The following TRAF3IP2 variants were observed in gnomAD, a reference collection of about 807,000 sequenced individuals.
TRAF3IP2 encodes the protein E3 ubiquitin ligase TRAF3IP2.
TRAF3IP2 carries 35 observed loss-of-function variants against 57.9 expected under a neutral mutation model. That is an observed-to-expected ratio of 0.60 (90% confidence interval 0.46 to 0.80). TRAF3IP2 has a LOEUF of 0.80. TRAF3IP2 is among the 30% of genes least tolerant of loss of function. The pLI is 0.00. For synonymous variants in TRAF3IP2, 251 were observed against 268.9 expected, an observed-to-expected ratio of 0.93 and a Z score of 0.65; for missense variants, 556 against 706.4, an observed-to-expected ratio of 0.79 and a Z score of 2.41.
chr6:111,596,118 A>C (rs949165024), intron 1 of TRAF3IP2, among the ~76,000 whole-genome samples: 1 of 151,864 alleles, frequency 6.6e-6, no homozygotes, highest in Non-Finnish European at 1.5e-5. Context: ...TAAAATGTTT[A>C]CACTCTCCTC....
At position 111,591,940 on chromosome 6, in the gene TRAF3IP2, T is replaced by C; in HGVS notation, c.147A>G (p.Ala49=). ...CGGAGGAATTGTGAAGCATTGTGGG[T>C]GCAGACAAGCTGTTGGGTGCCATGT... ...IRNMAPNSLS[A]PTMLHNSSGD... The change falls in exon 2 of 9, where the codon GCA becomes GCG. Residue 49 remains alanine (A), a synonymous_variant. Coordinates refer to ENST00000368761, the MANE Select transcript of TRAF3IP2 (RefSeq NM_147686.4). This position sits in a 1 kb window ranked among gnomAD's most constrained non-coding sequence, Gnocchi z 4.9. 3.7e-6 allele frequency: 6 copies of C among 1,614,206 alleles called. No individual in the cohort carries two copies. The highest frequency in any genetic ancestry group is 5.1e-6 in the Non-Finnish European group (6 of 1,180,040).
intron 2 of TRAF3IP2, among the ~76,000 whole-genome samples, chr6:111,584,450 T>A (rs1163184693): frequency 6.6e-6 from 1 of 152,082 alleles, no homozygotes; most frequent in Non-Finnish European, 1.5e-5. Context: ...AAGAAATGAG[T>A]GTTCCCTTTT....
In TRAF3IP2 at chr6:111,557,125, CA is replaced by C; in HGVS notation, c.*2279del. On this transcript the variant is annotated 3_prime_UTR_variant, in exon 9 of 9. Coordinates refer to ENST00000368761, the MANE Select transcript of TRAF3IP2 (RefSeq NM_147686.4). Reference sequence around the variant, plus strand: ...CCTGGGAAAGAGTGAGACCCTGTCTCAAAAAAAAGAAAAAAAAAACAAAACG... The same window carrying C: ...CCTGGGAAAGAGTGAGACCCTGTCTCAAAAAAAGAAAAAAAAAACAAAACG... 2.1e-5 allele frequency: 3 copies of C among 144,424 alleles called. No individual in the cohort carries two copies. The highest frequency in any genetic ancestry group is 3.0e-5 in the Non-Finnish European group (2 of 66,228). The allele number at this position is 144,424 out of a possible 1,614,324, so 8.9% of individuals were successfully genotyped here. A position where few individuals can be genotyped will look rare whatever the true frequency, so the allele number is the denominator to read the frequency against.
Position 111,580,256 on chromosome 6 carries a change from C to G in TRAF3IP2, c.963G>C (p.Trp321Cys). ...TCTGTGCGGGCCTCTCTTCGTGGTCCCAGGGGCTGGGATAATTCAGGATAA... is the reference window on the plus strand; with the variant it reads ...TCTGTGCGGGCCTCTCTTCGTGGTCGCAGGGGCTGGGATAATTCAGGATAA... ...QKVILNYPSP[W>C]DHEERPAQRD... is the part of the protein sequence containing the mutation. Residue 321 changes from tryptophan to cysteine, a missense_variant, in exon 3 of 9, where the codon TGG (tryptophan) becomes TGC (cysteine). Trp to Cys is a radical substitution (Grantham distance 215). Around this residue, in one of 2 missense-constraint regions of TRAF3IP2, gnomAD observed 428 missense variants for 498.7 expected, o/e 0.86. Coordinates refer to ENST00000368761, the MANE Select transcript of TRAF3IP2 (RefSeq NM_147686.4). 1 of 1,613,320 alleles carries G rather than the reference C, an allele frequency of 6.2e-7. No individual in the cohort carries two copies. Among genetic ancestry groups the G allele is most frequent in the Non-Finnish European group, 8.5e-7 (1 of 1,179,272 alleles).
chr6:111,592,756 TG>T (rs1410617811), intron 1 of TRAF3IP2, among the ~76,000 whole-genome samples: 4 of 149,036 alleles, frequency 2.7e-5, no homozygotes, highest in South Asian at 2.1e-4. Context: ...AAAATAAAAG[TG>T]TTTTTTTTTA....
chr6:111,601,306 G>C (rs561260117), intron 1 of TRAF3IP2: 2 of 667,688 alleles, frequency 3.0e-6, no homozygotes, highest in South Asian at 3.3e-5. Context: ...TACAGATGAG[G>C]CTGCAGAGGC....
intron 1 of TRAF3IP2, 104 bp downstream of exon 1, chr6:111,605,672 A>G (rs1796999771): frequency 6.6e-6 from 1 of 152,342 alleles, no homozygotes; most frequent in Non-Finnish European, 1.5e-5. Flanking sequence ...ACACAGAGGA[A>G]AGTAGAGGCA....
rs200547309 is a variant in TRAF3IP2, at chr6:111,580,212, C to T, written c.1007G>A (p.Gly336Glu). The T allele has an allele frequency of 6.2e-7, 1 of 1,614,076 alleles. No homozygotes were observed. The highest frequency in any genetic ancestry group is 2.2e-5 in the East Asian group (1 of 44,860). Residue 336 changes from glycine (G) to glutamate (E), a missense_variant, in exon 3 of 9, where the codon GGG becomes GAG. Physicochemically the swap from Gly to Glu is moderately conservative, Grantham distance 98. Around this residue, in one of 2 missense-constraint regions of TRAF3IP2, gnomAD observed 428 missense variants for 498.7 expected, o/e 0.86. Transcript: ENST00000368761. ...RPAQRDCSFPGLPRHQDQPHH... is the reference protein window; with the variant it reads ...RPAQRDCSFPELPRHQDQPHH... ...TCATACTTACTGGTGCCTTGGAAGC[C>T]CCGGAAAGGAGCAGTCTCTCTGTGC...
intron 1 of TRAF3IP2, chr6:111,601,005 G>C: frequency 2.0e-6 from 1 of 502,076 alleles, no homozygotes; most frequent in Non-Finnish European, 3.6e-6. Context: ...CTTTTCCGAG[G>C]TCACATGGCT....
intron 5 of TRAF3IP2, among the ~76,000 whole-genome samples, chr6:111,571,744 G>A (rs1466013922): frequency 6.6e-6 from 1 of 151,988 alleles, no homozygotes; most frequent in Non-Finnish European, 1.5e-5. Flanking sequence ...GGCCAACATA[G>A]TGAAACCCCA....
At chr6:111,575,914 G>C in intron 3 of TRAF3IP2, 93 bp from the exon 4 acceptor site, 7 of 1,181,144 alleles carry the variant, frequency 5.9e-6, no homozygotes, top group South Asian at 1.4e-5. Context: ...GAAGATCCCA[G>C]TGGGCTCTCT....
intron 1 of TRAF3IP2, among the ~76,000 whole-genome samples, chr6:111,597,305 C>T (rs913322818): frequency 6.6e-6 from 1 of 152,174 alleles, no homozygotes; most frequent in African/African-American, 2.4e-5. Context: ...ATGCCATCAG[C>T]CAGTGTAATG....
chr6:111,597,658 C>CA (rs1322018437), intron 1 of TRAF3IP2, among the ~76,000 whole-genome samples: 1 of 151,962 alleles, frequency 6.6e-6, no homozygotes, highest in Non-Finnish European at 1.5e-5. Context: ...TTTTAAAATA[C>CA]AAAGAAAACC....
intron 2 of TRAF3IP2, among the ~76,000 whole-genome samples, chr6:111,587,535 G>A (rs559937773): frequency 2.6e-5 from 4 of 152,196 alleles, no homozygotes; most frequent in Admixed American, 2.0e-4. Context: ...GATTACAGGT[G>A]TGAGCCACTG....
intron 1 of TRAF3IP2, among the ~76,000 whole-genome samples, chr6:111,592,757 G>T (rs1433941760): frequency 1.3e-5 from 2 of 151,010 alleles, no homozygotes; most frequent in Admixed American, 6.6e-5. Flanking sequence ...AAATAAAAGT[G>T]TTTTTTTTTA....
intron 5 of TRAF3IP2, among the ~76,000 whole-genome samples, chr6:111,570,210 C>A (rs1033697085): frequency 6.6e-6 from 1 of 152,194 alleles, no homozygotes; most frequent in African/African-American, 2.4e-5. Context: ...TGATCTTGGA[C>A]TTCCAGACTC....
rs143865750 is a variant in TRAF3IP2 at position 111,575,780 on chromosome 6, G to A, written c.1064C>T (p.Pro355Leu). The A allele has an allele frequency of 2.0e-5, 32 of 1,609,862 alleles. No homozygotes were observed. The highest frequency in any genetic ancestry group is 2.7e-5 in the Non-Finnish European group (32 of 1,178,782). ...TGCAGGGCACTCCAAGGACTCCCCAGGAGCACCAGCTCTATTAGGTGGCTG... is the reference window on the plus strand; with the variant it reads ...TGCAGGGCACTCCAAGGACTCCCCAAGAGCACCAGCTCTATTAGGTGGCTG... ...HHQPPNRAGA[P>L]GESLECPAEL... The change falls in exon 4 of 9, where the codon CCT (proline) becomes CTT (leucine). Residue 355 changes from proline to leucine, a missense_variant. Pro to Leu is a moderately conservative substitution (Grantham distance 98). Coordinates refer to ENST00000368761, the MANE Select transcript of TRAF3IP2 (RefSeq NM_147686.4).
rs35454154 is a variant in TRAF3IP2 at position 111,556,102 on chromosome 6, CA to C, written c.*3302del. Among the ~76,000 whole-genome samples, 4,588 of 122,448 alleles carry C rather than the reference CA, an allele frequency of 0.037. 114 individuals are homozygous for C. Among genetic ancestry groups the C allele is most frequent in the African/African-American group, 0.082 (2,614 of 31,746 alleles). The allele number at this position is 122,448 out of a possible 152,430, so 80.3% of individuals were successfully genotyped here. A position where few individuals can be genotyped will look rare whatever the true frequency, so the allele number is the denominator to read the frequency against. On this transcript the variant is annotated 3_prime_UTR_variant, in exon 9 of 9. Coordinates refer to ENST00000368761, the MANE Select transcript of TRAF3IP2 (RefSeq NM_147686.4). ...TGGGTGACAGAGCGAGACTACGTCT[CA>C]AAAAAAAAAAAAAAAAAATGCTTTG...
At chr6:111,563,300 GGCTTGCAGCAGCTCACAAAA>G (rs1441508000) in intron 7 of TRAF3IP2, among the ~76,000 whole-genome samples, 4 of 152,142 alleles carry the variant, frequency 2.6e-5, no homozygotes, top group Non-Finnish European at 4.4e-5. Context: ...TGCTGGAACT[GGCTTGCAGCAGCTCACAAAA>G]GCTTGTTGTG....
Sources: allele counts gnomAD v4.1 joint callset (sites outside exome capture counted in the v4.1 genomes callset), GRCh38; gene constraint gnomAD v4.1.1; regional missense constraint gnomAD v4.1.1; non-coding constraint Gnocchi (gnomAD v3.1); transcripts MANE v1.5; gene names NCBI Gene and HGNC (gene_info 2026-07-23, HGNC 2026-07-21).